The following CCDC180 variants were observed in gnomAD, a reference collection of about 807,000 sequenced individuals.
CCDC180 encodes coiled-coil domain-containing protein 180.
CCDC180 carries 154 observed loss-of-function variants against 209.2 expected under a neutral mutation model. The observed-to-expected ratio is 0.74, with a 90% CI of 0.65 to 0.84. The LOEUF (loss-of-function observed/expected upper bound fraction) is 0.84. CCDC180 is among the 40% of genes least tolerant of loss of function. The pLI is 0.00. For missense variants in CCDC180, 1,874 were observed against 1,997.3 expected, an observed-to-expected ratio of 0.94 and a Z score of 1.18; for synonymous variants, 778 against 749.1, an observed-to-expected ratio of 1.04 and a Z score of -0.63.
At position 97,328,276 on chromosome 9, in the gene CCDC180, A is replaced by G. The variant is rs990809186; in HGVS notation, c.1788+130A>G. 6 of 1,003,102 alleles carry G rather than the reference A, an allele frequency of 6.0e-6. No homozygotes were observed. The African/African-American group carries it at 8.2e-5, about 14-fold the overall frequency. The allele number at this position is 1,003,102 out of a possible 1,614,324, so 62.1% of individuals were successfully genotyped here. On this transcript the variant is annotated intron_variant, in intron 16 of 36. Coordinates refer to ENST00000529487, the MANE Select transcript of CCDC180 (RefSeq NM_020893.6). ...GCAGAGTTCAAATCAATGCAAGAAG[A>G]AAGAAGCTGAAAGTGTCTCTAAAGA...
At chr9:97,320,485 G>T (rs1833323137) in intron 11 of CCDC180, among the ~76,000 whole-genome samples, 1 of 152,184 alleles carries the variant, frequency 6.6e-6, no homozygotes, top group South Asian at 2.1e-4. Context: ...CTTTGAGGAA[G>T]GCTCAGAGGC....
At chr9:97,374,680 A>G in intron 35 of CCDC180, 32 bp downstream of exon 35, 6 of 1,553,460 alleles carry the variant, frequency 3.9e-6, no homozygotes, top group Non-Finnish European at 5.3e-6. Flanking sequence ...GACTACTGTA[A>G]ATGGCTGTAT....
chr9:97,309,301 C>A, intron 2 of CCDC180, 113 bp from the exon 3 acceptor site: 1 of 1,064,586 alleles, frequency 9.4e-7, no homozygotes, highest in South Asian at 1.6e-5. Context: ...TGAAAAGTAC[C>A]TTCCTGGGGG....
intron 19 of CCDC180, 78 bp from the exon 20 acceptor site, chr9:97,347,236 C>G: frequency 7.1e-7 from 1 of 1,405,300 alleles, no homozygotes; most frequent in Non-Finnish European, 9.5e-7. Flanking sequence ...GGGGGAAGCA[C>G]TTTGGGTCTC....
Position 97,326,654 on chromosome 9 carries a change from AG to A in CCDC180, c.1647del (p.Asn550ThrfsTer2). 6.2e-7 allele frequency: 1 copy of A among 1,609,166 alleles called. No homozygotes were observed. Among genetic ancestry groups the A allele is most frequent in the Non-Finnish European group, 8.5e-7 (1 of 1,175,476 alleles). On this transcript the variant is annotated frameshift_variant, in exon 15 of 37. Transcript: ENST00000529487. LOFTEE classifies it high-confidence loss of function. The part of the protein sequence containing the change: ...FHLEKVKDYL[K>X]NMKSRYECFH... ...CTGGAAAAGGTCAAAGATTATCTGA[AG>A]AACATGAAATCCAGGTAGGCCAACC...
rs747334330 is a variant in CCDC180 at position 97,330,755 on chromosome 9, A to G, written c.2262A>G (p.Leu754=). ...EKEAQEEQES[L]SVGEEEDKEE... ...AGGCACAGGAAGAGCAAGAGAGTTT[A>G]TCTGTGGGTGAGGTAAGCCAGCAAC... The change falls in exon 18 of 37, where the codon TTA becomes TTG. Residue 754 remains leucine (L), a synonymous_variant. Coordinates refer to ENST00000529487, the MANE Select transcript of CCDC180 (RefSeq NM_020893.6). 6.3e-7 allele frequency: 1 copy of G among 1,598,486 alleles called. No homozygotes were observed. Among genetic ancestry groups the G allele is most frequent in the Non-Finnish European group, 8.5e-7 (1 of 1,178,526 alleles).
chr9:97,329,885 G>A (rs961308275), intron 16 of CCDC180, among the ~76,000 whole-genome samples: 8 of 152,036 alleles, frequency 5.3e-5, no homozygotes, highest in African/African-American at 1.4e-4. Flanking sequence ...TGGTTAACAC[G>A]GTGAAACCCT....
At chr9:97,361,640 G>A (rs1826754846) in intron 26 of CCDC180, 86 bp from the exon 27 acceptor site, 2 of 1,413,738 alleles carry the variant, frequency 1.4e-6, no homozygotes, top group Admixed American at 1.9e-5. Context: ...CTGAGGCAGG[G>A]TGGGAGGGAA....
At chr9:97,374,364 C>G in intron 34 of CCDC180, 179 bp from the exon 35 acceptor site, 1 of 584,388 alleles carries the variant, frequency 1.7e-6, no homozygotes, top group Middle Eastern at 4.5e-4. Flanking sequence ...GCCCCTGTCA[C>G]CACCCCGAGC....
chr9:97,320,147 C>A lies in CCDC180; in HGVS notation c.1101C>A (p.Tyr367Ter). The A allele has an allele frequency of 6.2e-7, 1 of 1,614,158 alleles. No individual in the cohort carries two copies. Among genetic ancestry groups the A allele is most frequent in the Non-Finnish European group, 8.5e-7 (1 of 1,180,032 alleles). The change falls in exon 11 of 37, where the codon TAC becomes TAA. Residue 367 changes from tyrosine to a stop codon, truncating the protein, a stop_gained. Transcript: ENST00000529487. LOFTEE classifies it high-confidence loss of function. ...CCAGTGACCTCCTGCCCCCCAGTTA[C>A]AGCAAAACTCAGCTGACTGAGTGGC... ...CTICDLLPPS[Y>*]SKTQLTEWHS... is the part of the protein sequence containing the mutation.
chr9:97,327,943 A>G (rs1833588762), intron 15 of CCDC180, 77 bp from the exon 16 acceptor site: 3 of 1,508,952 alleles, frequency 2.0e-6, no homozygotes, highest in African/African-American at 1.4e-5. Context: ...GTTGTGTGCC[A>G]GATTGCAGCC....
rs566901531 is a variant in CCDC180 at position 97,343,225 on chromosome 9, C to A, written c.2275-115C>A. 8.6e-5 allele frequency: 54 copies of A among 627,694 alleles called. 1 individual carries two copies. In the South Asian group the frequency reaches 9.2e-4, roughly 11 times the overall value. The allele number at this position is 627,694 out of a possible 1,614,324, so 38.9% of individuals were successfully genotyped here. A position where few individuals can be genotyped will look rare whatever the true frequency, so the allele number is the denominator to read the frequency against. ...CGAAAAAACCTAGGCAAGATTCGGC[C>A]CATAATCTTGGCCCAAAATTTGGTT... On this transcript the variant is annotated intron_variant, in intron 18 of 36. Transcript: ENST00000529487.
chr9:97,312,727 C>T (rs1240324318), intron 4 of CCDC180, among the ~76,000 whole-genome samples: 1 of 145,690 alleles, frequency 6.9e-6, no homozygotes, highest in African/African-American at 2.5e-5. Context: ...TCCGGCTTTC[C>T]ACCTGGATAA....
intron 8 of CCDC180, among the ~76,000 whole-genome samples, chr9:97,316,319 A>G (rs1245127711): frequency 6.6e-6 from 1 of 152,244 alleles, no homozygotes; most frequent in Admixed American, 6.5e-5. Flanking sequence ...AATACTTGCC[A>G]GTGCCACCCA....
rs1430469329 is a variant in CCDC180 at position 97,330,684 on chromosome 9, G to A, written c.2191G>A (p.Glu731Lys). 3 of 1,571,882 alleles carry A rather than the reference G, an allele frequency of 1.9e-6. No homozygotes were observed. The highest frequency in any genetic ancestry group is 2.6e-6 in the Non-Finnish European group (3 of 1,168,772). ...EESEEEDEKEEEEEEEKLEEE... is the reference protein window; with the variant it reads ...EESEEEDEKEKEEEEEKLEEE... ...GTCAGAGGAGGAAGATGAGAAGGAG[G>A]AAGAGGAGGAGGAGGAGAAGCTGGA... The change falls in exon 18 of 37, where the codon GAA becomes AAA. Residue 731 changes from glutamate (E) to lysine (K), a missense_variant. Coordinates refer to ENST00000529487, the MANE Select transcript of CCDC180 (RefSeq NM_020893.6).
chr9:97,354,753 A>G, intron 23 of CCDC180, 40 bp downstream of exon 23: 3 of 1,613,390 alleles, frequency 1.9e-6, no homozygotes, highest in Non-Finnish European at 2.5e-6. Context: ...CCGGTTCCAC[A>G]GTATCCCTTG....
intron 16 of CCDC180, 66 bp from the exon 17 acceptor site, chr9:97,330,088 A>C: frequency 1.7e-6 from 2 of 1,150,026 alleles, no homozygotes; most frequent in East Asian, 2.4e-5. Context: ...AAAAAAAAAA[A>C]AGGTGGGGGG....
chr9:97,327,917 A>G, intron 15 of CCDC180, 103 bp from the exon 16 acceptor site: 1 of 1,256,404 alleles, frequency 8.0e-7, no homozygotes, highest in Admixed American at 2.5e-5. Flanking sequence ...GCAGCCACAC[A>G]GCAGCTCTAC....
Position 97,366,798 on chromosome 9 carries a change from G to A in CCDC180, c.4189+98G>A, listed in dbSNP as rs1826937056. The stretch of plus-strand genomic sequence containing the variant: ...CTTGTGGCCTGGATCCTCCCCTCTG[G>A]GGGAGGCAGAAGAGCTTCCCTGTGA... On this transcript the variant is annotated intron_variant, in intron 31 of 36. Transcript: ENST00000529487. This position sits in a 1 kb window ranked among gnomAD's most constrained non-coding sequence, Gnocchi z 4.3. 1 of 1,336,976 alleles carries A rather than the reference G, an allele frequency of 7.5e-7. No individual in the cohort carries two copies. The highest frequency in any genetic ancestry group is 2.8e-5 in the Admixed American group (1 of 36,000). The allele number at this position is 1,336,976 out of a possible 1,614,324, so 82.8% of individuals were successfully genotyped here.
Sources: gnomAD v4.1 joint callset for allele counts (sites outside exome capture counted in the v4.1 genomes callset) on GRCh38, gnomAD v4.1.1 for gene constraint, Gnocchi (gnomAD v3.1) non-coding constraint, MANE v1.5 for transcripts, NCBI Gene and HGNC (gene_info 2026-07-23, HGNC 2026-07-21) for gene names.